Variants in IRAK1BP1 observed in about 807,000 individuals in gnomAD.
IRAK1BP1 encodes the protein interleukin 1 receptor associated kinase 1 binding protein 1.
In IRAK1BP1, 24 loss-of-function variants were observed where a neutral mutation model predicts 28.0. That is an observed-to-expected ratio of 0.86 (90% CI 0.62 to 1.20). IRAK1BP1 has a LOEUF of 1.20. Among genes scored for constraint, IRAK1BP1 ranks in the 50% most tolerant of loss-of-function variants. IRAK1BP1 has a pLI of 0.00. For synonymous variants in IRAK1BP1, 131 were observed against 116.3 expected (o/e 1.13, Z -0.81); for missense variants, 336 against 316.7 (o/e 1.06, Z -0.46).
the IRAK1BP1 span, chr6:78,963,288 T>C: frequency 5.1e-4 from 788 of 1,544,122 alleles, 1 homozygote; most frequent in Non-Finnish European, 6.6e-4. Context: ...AAATACATGG[T>C]AACTTATTAG....
rs563572871 is a variant in IRAK1BP1, at chr6:78,889,130, AAAAAG to A, written c.381+3691_381+3695del. 3.0e-3 allele frequency among the ~76,000 whole-genome samples: 453 copies of A among 148,810 alleles called. 2 individuals carry two copies. Among genetic ancestry groups the A allele is most frequent in the Middle Eastern group, 0.028 (8 of 282 alleles). On this transcript the variant is annotated intron_variant, in intron 2 of 3. Coordinates refer to ENST00000369940, the MANE Select transcript of IRAK1BP1 (RefSeq NM_001010844.4). The stretch of plus-strand genomic sequence containing the variant: ...AGACTCTGTCTCAAAAAAAAAAAAA[AAAAAG>A]AAAGAAAGAAAGATTAGATGGTGGA...
At chr6:78,934,071 G>A (rs899770621) in intron 4 of IRAK1BP1, among the ~76,000 whole-genome samples, 2 of 152,034 alleles carry the variant, frequency 1.3e-5, no homozygotes, top group African/African-American at 4.8e-5. Flanking sequence ...GTAACTAATT[G>A]GTTTAATTTC....
the IRAK1BP1 span, among the ~76,000 whole-genome samples, chr6:78,968,498 C>T: frequency 6.6e-6 from 1 of 152,150 alleles, no homozygotes; most frequent in African/African-American, 2.4e-5. Flanking sequence ...CGGGGGGTTC[C>T]GTAGGATCAA....
the IRAK1BP1 span, chr6:78,955,576 A>T: frequency 1.0e-5 from 7 of 702,114 alleles, no homozygotes; most frequent in Admixed American, 2.5e-5. Context: ...TTATATAGAG[A>T]ATATCAATAT....
chr6:78,928,550 G>A (rs1772953854), intron 4 of IRAK1BP1, among the ~76,000 whole-genome samples: 1 of 152,012 alleles, frequency 6.6e-6, no homozygotes, highest in Non-Finnish European at 1.5e-5. Context: ...AGGACTTTCA[G>A]TACTATGTTG....
intron 4 of IRAK1BP1, among the ~76,000 whole-genome samples, chr6:78,923,868 A>G (rs1005841312): frequency 6.6e-6 from 1 of 152,358 alleles, no homozygotes; most frequent in East Asian, 1.9e-4. Context: ...CTTTGAAACC[A>G]ACGAGAACAA....
chr6:78,917,403 G>C (rs1293620932), intron 4 of IRAK1BP1, among the ~76,000 whole-genome samples: 1 of 151,982 alleles, frequency 6.6e-6, no homozygotes, highest in Non-Finnish European at 1.5e-5. Flanking sequence ...CAAAGTCTTT[G>C]AGAAGTATGG....
rs149561357 is a variant in IRAK1BP1, at chr6:78,874,014, G to A, written c.315+6123G>A. Among the ~76,000 whole-genome samples, 98 of 152,254 alleles carry A rather than the reference G, an allele frequency of 6.4e-4. 1 individual carries two copies. In the South Asian group the frequency reaches 8.1e-3, roughly 13 times the overall value. On this transcript the variant is annotated intron_variant, in intron 1 of 3. Coordinates refer to ENST00000369940, the MANE Select transcript of IRAK1BP1 (RefSeq NM_001010844.4). ...TATGGGCTTTCATTGTCAAGGCTCT[G>A]CATACTTTGATGTAGTTCTCTTGGC... is the stretch of plus-strand genomic sequence containing the variant.
chr6:78,920,635 C>G (rs753241001), intron 4 of IRAK1BP1, among the ~76,000 whole-genome samples: 5 of 152,082 alleles, frequency 3.3e-5, no homozygotes, highest in Non-Finnish European at 5.9e-5. Context: ...AAAAGCAACT[C>G]AAGATGGATT....
chr6:78,955,496 A>C, the IRAK1BP1 span: 1 of 547,624 alleles, frequency 1.8e-6, no homozygotes, highest in Non-Finnish European at 3.2e-6. Flanking sequence ...TTTTTTTTAA[A>C]TTAACTACAC....
At chr6:78,937,207 T>C (rs1044910960) in intron 4 of IRAK1BP1, 1 of 151,710 alleles carries the variant, frequency 6.6e-6, no homozygotes, top group Non-Finnish European at 1.5e-5. Context: ...CCGTTTTCAT[T>C]AGATAGAAAA....
At chr6:78,965,767 TAAAG>T in the IRAK1BP1 span, 4 of 1,515,148 alleles carry the variant, frequency 2.6e-6, no homozygotes, top group Non-Finnish European at 3.6e-6. Flanking sequence ...TGTCCCAGCT[TAAAG>T]AAAGAAAAAT....
intron 4 of IRAK1BP1, chr6:78,937,235 A>G (rs1287688071): frequency 2.0e-5 from 3 of 151,790 alleles, no homozygotes; most frequent in African/African-American, 7.2e-5. Flanking sequence ...AGTTGCTTCT[A>G]GCTGACATTT....
the IRAK1BP1 span, among the ~76,000 whole-genome samples, chr6:78,972,747 C>T: frequency 6.6e-6 from 1 of 151,892 alleles, no homozygotes; most frequent in Non-Finnish European, 1.5e-5. Context: ...GCCTCAGGAG[C>T]CGATGCGATG....
chr6:78,978,008 A>G, the IRAK1BP1 span, among the ~76,000 whole-genome samples: 243 of 152,296 alleles, frequency 1.6e-3, no homozygotes, highest in African/African-American at 5.5e-3. Flanking sequence ...TGTGTACAAA[A>G]CAAGGAGACA....
At chr6:78,874,608 G>C (rs1047873176) in intron 1 of IRAK1BP1, among the ~76,000 whole-genome samples, 5 of 152,170 alleles carry the variant, frequency 3.3e-5, no homozygotes, top group African/African-American at 1.2e-4. Flanking sequence ...GCAAGGAACA[G>C]AGGGACATTT....
downstream of IRAK1BP1, among the ~76,000 whole-genome samples, chr6:78,948,399 G>A (rs184121395): frequency 6.6e-6 from 1 of 152,208 alleles, no homozygotes; most frequent in Admixed American, 6.5e-5. Flanking sequence ...AAACACACAC[G>A]TGAAACAGGA....
chr6:78,955,159 A>G, the IRAK1BP1 span: 1 of 1,088,400 alleles, frequency 9.2e-7, no homozygotes, highest in Middle Eastern at 2.4e-4. Context: ...TGCTAAGAGT[A>G]AAAAAATAAA....
intron 1 of IRAK1BP1, among the ~76,000 whole-genome samples, chr6:78,868,213 TGTTA>T (rs1419268402): frequency 6.6e-5 from 10 of 152,234 alleles, no homozygotes; most frequent in Non-Finnish European, 1.5e-4. Flanking sequence ...AAACTTGAAA[TGTTA>T]GTTGTAAATA....
Sources: allele counts gnomAD v4.1 joint callset (sites outside exome capture counted in the v4.1 genomes callset), GRCh38; gene constraint gnomAD v4.1.1; transcripts MANE v1.5; gene names NCBI Gene and HGNC (gene_info 2026-07-23, HGNC 2026-07-21).